JCAD: variants seen among roughly 807,000 people sequenced by gnomAD.
JCAD encodes junctional cadherin 5-associated protein.
A neutral mutation model predicts 98.0 loss-of-function variants in JCAD; 40 were observed. The ratio of observed to expected loss-of-function variants is 0.41; its 90% CI spans 0.32 to 0.53. The LOEUF is 0.53. Among genes scored for constraint, JCAD ranks in the 20% least tolerant of loss-of-function variants. JCAD has a pLI of 0.31. For missense variants in JCAD, 1,705 were observed against 1,738.1 expected (o/e 0.98, Z 0.34); for synonymous variants, 691 against 682.3 (o/e 1.01, Z -0.20).
At chr10:30,086,218 T>C (rs1160132533) in intron 1 of JCAD, among the ~76,000 whole-genome samples, 3 of 152,232 alleles carry the variant, frequency 2.0e-5, no homozygotes, top group African/African-American at 7.2e-5. Flanking sequence ...AAAAAAAATC[T>C]AGAAGCAAAG....
intron 2 of JCAD, among the ~76,000 whole-genome samples, chr10:30,065,290 G>A (rs1837764244): frequency 6.6e-6 from 1 of 152,006 alleles, no homozygotes; most frequent in Non-Finnish European, 1.5e-5. Context: ...AAATATTTAA[G>A]GTGATGGATG....
intron 2 of JCAD, among the ~76,000 whole-genome samples, chr10:30,041,984 G>A (rs530127731): frequency 6.6e-6 from 1 of 152,108 alleles, no homozygotes; most frequent in African/African-American, 2.4e-5. Context: ...GTGTGTGTGT[G>A]TTTGTGTGTG....
intron 1 of JCAD, among the ~76,000 whole-genome samples, chr10:30,097,750 G>T (rs1433855097): frequency 6.6e-6 from 1 of 152,048 alleles, no homozygotes; most frequent in African/African-American, 2.4e-5. Flanking sequence ...GCGACAGATG[G>T]AAACTCCGTC....
chr10:30,043,329 GA>G (rs79582222), intron 2 of JCAD, among the ~76,000 whole-genome samples: 41,272 of 147,806 alleles, frequency 0.28, 6,548 homozygotes, highest in Non-Finnish European at 0.37. Flanking sequence ...AAGGGAAAAA[GA>G]AAAAAAAAAG....
rs369048878 is a variant in JCAD, at chr10:30,099,905, C to G, written n.128+15462G>C. On this transcript the variant is annotated intron_variant and non_coding_transcript_variant, in intron 1 of 2. Coordinates refer to the JCAD transcript ENST00000465712. Reference sequence around the variant, plus strand: ...TTACCGGCTCCACTCTAACTCATTCCGATTACCTGCTACCTGCTCTGCCCT... The same window carrying G: ...TTACCGGCTCCACTCTAACTCATTCGGATTACCTGCTACCTGCTCTGCCCT... Among the ~76,000 whole-genome samples, 101 of 152,274 alleles carry G rather than the reference C, an allele frequency of 6.6e-4. 3 individuals are homozygous for G. The South Asian group carries it at 0.019, about 29-fold the overall frequency.
intron 2 of JCAD, among the ~76,000 whole-genome samples, chr10:30,068,552 C>G (rs1837827027): frequency 6.6e-6 from 1 of 152,146 alleles, no homozygotes; most frequent in Non-Finnish European, 1.5e-5. Context: ...TTACATGATA[C>G]TTGGTTCAGC....
intron 1 of JCAD, among the ~76,000 whole-genome samples, chr10:30,112,212 A>G (rs1838714515): frequency 6.6e-6 from 1 of 152,168 alleles, no homozygotes; most frequent in Non-Finnish European, 1.5e-5. Context: ...AGTGGCTCAC[A>G]CCTATAATCC....
Position 30,017,930 on chromosome 10 carries a change from A to G in JCAD, c.4046-13T>C, listed in dbSNP as rs762199377. On this transcript the variant is annotated splice_polypyrimidine_tract_variant and intron_variant, in intron 3 of 3. Transcript: ENST00000375377. ...GGGTCATAGGAATCTGTAAAATAAG[A>G]AAAGAAAAGAAAATTAGTGTTATAT... 6.2e-7 allele frequency: 1 copy of G among 1,604,052 alleles called. No individual in the cohort carries two copies. The highest frequency in any genetic ancestry group is 8.5e-7 in the Non-Finnish European group (1 of 1,172,832).
intron 2 of JCAD, among the ~76,000 whole-genome samples, chr10:30,069,092 C>A (rs1837835983): frequency 6.6e-6 from 1 of 152,172 alleles, no homozygotes; most frequent in African/African-American, 2.4e-5. Flanking sequence ...ATGACCCAGG[C>A]ACAAATCAGT....
chr10:30,018,741 G>T (rs932871720), intron 3 of JCAD, among the ~76,000 whole-genome samples: 5 of 152,032 alleles, frequency 3.3e-5, no homozygotes, highest in Non-Finnish European at 7.4e-5. Flanking sequence ...TCACACGTGC[G>T]CCTCCTGTGG....
intron 1 of JCAD, among the ~76,000 whole-genome samples, chr10:30,107,057 G>A (rs111699145): frequency 3.9e-5 from 6 of 152,284 alleles, no homozygotes; most frequent in African/African-American, 7.2e-5. Context: ...ACAGAGCCTT[G>A]CACATCCCTC....
intron 1 of JCAD, among the ~76,000 whole-genome samples, chr10:30,082,368 A>C (rs977822943): frequency 1.3e-5 from 2 of 152,202 alleles, no homozygotes; most frequent in Admixed American, 1.3e-4. Context: ...AAATAAAATA[A>C]AAATTCATAT....
At chr10:30,084,076 A>G (rs1838129122) in intron 1 of JCAD, among the ~76,000 whole-genome samples, 1 of 151,790 alleles carries the variant, frequency 6.6e-6, no homozygotes, top group African/African-American at 2.4e-5. Flanking sequence ...AAAGAAAGAA[A>G]GAAAGAGTGA....
intron 2 of JCAD, among the ~76,000 whole-genome samples, chr10:30,043,460 C>T (rs1274524392): frequency 6.6e-6 from 1 of 152,122 alleles, no homozygotes; most frequent in African/African-American, 2.4e-5. Flanking sequence ...GCTGATATTC[C>T]AGCTAAGCCC....
At chr10:30,021,813 T>C (rs1474706074) in intron 3 of JCAD, among the ~76,000 whole-genome samples, 3 of 152,158 alleles carry the variant, frequency 2.0e-5, no homozygotes, top group African/African-American at 7.2e-5. Flanking sequence ...GAATCCTGTT[T>C]CCTGTGGGCT....
intron 3 of JCAD, among the ~76,000 whole-genome samples, chr10:30,023,191 T>C (rs1376324651): frequency 6.6e-6 from 1 of 151,900 alleles, no homozygotes; most frequent in Non-Finnish European, 1.5e-5. Flanking sequence ...GTGCCTGCCA[T>C]TACACCCAGC....
chr10:30,107,393 C>T (rs1444934138), intron 1 of JCAD, among the ~76,000 whole-genome samples: 2 of 152,182 alleles, frequency 1.3e-5, no homozygotes, highest in Non-Finnish European at 2.9e-5. Flanking sequence ...CATTGGCATG[C>T]TAGAAGACAC....
chr10:30,033,467 C>G (rs1035288361), intron 2 of JCAD, among the ~76,000 whole-genome samples: 6 of 152,156 alleles, frequency 3.9e-5, no homozygotes, highest in African/African-American at 1.4e-4. Flanking sequence ...CTTAGATAAA[C>G]TATCCAATTT....
Position 30,029,083 on chromosome 10 carries a change from G to C in JCAD, c.1065C>G (p.Asn355Lys), listed in dbSNP as rs374857313. The change falls in exon 3 of 4, where the codon AAC becomes AAG. Residue 355 changes from asparagine to lysine, a missense_variant. Around this residue, in one of 3 missense-constraint regions of JCAD, gnomAD observed 275 missense variants for 346.9 expected, o/e 0.79. Transcript: ENST00000375377. ...TGGGCACCGTGTCTTCCAAGTAGGGGTTTGGGATGTTCTGCGGGGGCGATC... is the reference window on the plus strand; with the variant it reads ...TGGGCACCGTGTCTTCCAAGTAGGGCTTTGGGATGTTCTGCGGGGGCGATC... ...SYRSPPQNIP[N>K]PYLEDTVPIN... 1 of 1,614,176 alleles carries C rather than the reference G, an allele frequency of 6.2e-7. No homozygotes were observed. The highest frequency in any genetic ancestry group is 8.5e-7 in the Non-Finnish European group (1 of 1,180,040).
Sources: allele counts gnomAD v4.1 joint callset (sites outside exome capture counted in the v4.1 genomes callset), GRCh38; gene constraint gnomAD v4.1.1; regional missense constraint gnomAD v4.1.1; transcripts MANE v1.5; gene names NCBI Gene and HGNC (gene_info 2026-07-23, HGNC 2026-07-21).